The following ZFHX3 variants were observed in gnomAD, a reference collection of about 807,000 sequenced individuals.
The protein encoded by ZFHX3 is zinc finger homeobox protein 3.
ZFHX3 carries 42 observed loss-of-function variants against 279.1 expected under a neutral mutation model. The ratio of observed to expected loss-of-function variants is 0.15; its 90% CI spans 0.12 to 0.19. ZFHX3 has a LOEUF of 0.19. ZFHX3 is among the 10% of genes least tolerant of loss of function. The probability of loss-of-function intolerance (pLI) is 1.00; values close to 1 mark genes in which losing one functional copy is unlikely to be tolerated. For missense variants in ZFHX3, 4,981 were observed against 4,754.0 expected (o/e 1.05, Z -1.40); for synonymous variants, 2,293 against 1,957.8 (o/e 1.17, Z -4.52).
At chr16:73,736,646 C>T (rs1444421479) in intron 1 of ZFHX3, among the ~76,000 whole-genome samples, 5 of 152,216 alleles carry the variant, frequency 3.3e-5, no homozygotes, top group African/African-American at 9.6e-5. Context: ...GTGGAGAGTA[C>T]AGACCAAAGG....
At chr16:73,773,466 G>A (rs1473228132) in intron 1 of ZFHX3, among the ~76,000 whole-genome samples, 2 of 152,200 alleles carry the variant, frequency 1.3e-5, no homozygotes, top group Non-Finnish European at 2.9e-5. Flanking sequence ...TATGAGCCAG[G>A]CCCTGGTCCT....
intron 2 of ZFHX3, among the ~76,000 whole-genome samples, chr16:73,611,119 C>G (rs1223751111): frequency 6.6e-6 from 1 of 152,146 alleles, no homozygotes; most frequent in Non-Finnish European, 1.5e-5. Context: ...TTTTGAAAAG[C>G]AGGAGGAAGA....
At chr16:73,805,746 G>A (rs1469859893) in intron 1 of ZFHX3, among the ~76,000 whole-genome samples, 1 of 152,190 alleles carries the variant, frequency 6.6e-6, no homozygotes, top group Non-Finnish European at 1.5e-5. Flanking sequence ...CTAGTCAGGA[G>A]GCCACAAAAA....
At chr16:73,056,378 T>TAA (rs547963966) in intron 1 of ZFHX3, among the ~76,000 whole-genome samples, 1 of 147,764 alleles carries the variant, frequency 6.8e-6, no homozygotes, top group Non-Finnish European at 1.5e-5. Context: ...CTGCACTAGT[T>TAA]AAAAAAAAAA....
At chr16:73,000,207 G>C (rs1459743621) in intron 1 of ZFHX3, among the ~76,000 whole-genome samples, 1 of 152,156 alleles carries the variant, frequency 6.6e-6, no homozygotes, top group Non-Finnish European at 1.5e-5. Flanking sequence ...CCATCCCCCA[G>C]GGTCCCTCGA....
At chr16:73,510,496 G>A (rs542923998) in intron 2 of ZFHX3, among the ~76,000 whole-genome samples, 8 of 152,030 alleles carry the variant, frequency 5.3e-5, no homozygotes, top group South Asian at 2.1e-4. Context: ...TTTTTCATCC[G>A]AGGCTTCAAC....
intron 3 of ZFHX3, among the ~76,000 whole-genome samples, chr16:73,359,749 A>C (rs1265698266): frequency 6.6e-6 from 1 of 152,192 alleles, no homozygotes; most frequent in East Asian, 1.9e-4. Context: ...TGAAGCCCCG[A>C]GGCATGAGTG....
chr16:73,791,733 A>T (rs1342839851), intron 1 of ZFHX3, among the ~76,000 whole-genome samples: 3 of 152,224 alleles, frequency 2.0e-5, no homozygotes, highest in African/African-American at 7.2e-5. Flanking sequence ...TAGAATTTGC[A>T]TTTCTAACAA....
Position 72,889,764 on chromosome 16 carries a change from A to G in ZFHX3, c.3415T>C (p.Phe1139Leu), listed in dbSNP as rs2144073201. The change falls in exon 4 of 10, where the codon TTC becomes CTC. Residue 1139 changes from phenylalanine to leucine, a missense_variant. Physicochemically the swap from Phe to Leu is conservative, Grantham distance 22. This residue lies in a region of ZFHX3 where 1,751 missense variants were observed against 1,770.0 expected (regional missense o/e 0.99). Coordinates refer to ENST00000268489, the MANE Select transcript of ZFHX3 (RefSeq NM_006885.4). ...GTGGAGGGGCACCTGCGGATGGTGAAGATCTGCCCCAGGTCCTCGTCCTCC... is the reference window on the plus strand; with the variant it reads ...GTGGAGGGGCACCTGCGGATGGTGAGGATCTGCCCCAGGTCCTCGTCCTCC... ...PEEDEDLGQI[F>L]TIRRCPSTDP... The G allele has an allele frequency of 6.2e-7, 1 of 1,612,936 alleles. No homozygotes were observed. The highest frequency in any genetic ancestry group is 8.5e-7 in the Non-Finnish European group (1 of 1,180,028).
At chr16:73,863,560 T>C (rs1961936471) in intron 1 of ZFHX3, among the ~76,000 whole-genome samples, 1 of 152,122 alleles carries the variant, frequency 6.6e-6, no homozygotes, top group Admixed American at 6.5e-5. Context: ...ATAAAAGACA[T>C]ACGGTGATGG....
intron 3 of ZFHX3, among the ~76,000 whole-genome samples, chr16:73,345,902 C>G (rs1183858393): frequency 6.6e-6 from 1 of 152,104 alleles, no homozygotes; most frequent in East Asian, 1.9e-4. Flanking sequence ...GGGTCCCTGA[C>G]TCAGCTGTGG....
At chr16:73,278,926 G>T (rs925585648) in intron 4 of ZFHX3, among the ~76,000 whole-genome samples, 6 of 152,224 alleles carry the variant, frequency 3.9e-5, no homozygotes. Flanking sequence ...GACCCAGGAA[G>T]TCCAGCTGGC....
chr16:72,836,235 G>A (rs1192262206), intron 4 of ZFHX3, among the ~76,000 whole-genome samples: 1 of 152,172 alleles, frequency 6.6e-6, no homozygotes, highest in African/African-American at 2.4e-5. Flanking sequence ...CGAGCAAGTG[G>A]AGTCTCATCG....
rs2142155464 is a variant in ZFHX3 at position 73,640,245 on chromosome 16, A to T, written c.-1547+39935T>A. Among the ~76,000 whole-genome samples, 4 of 152,294 alleles carry T rather than the reference A, an allele frequency of 2.6e-5. No individual in the cohort carries two copies. In the South Asian group the frequency reaches 8.3e-4, roughly 32 times the overall value. On this transcript the variant is annotated intron_variant, in intron 2 of 17. Transcript: ENST00000641206. ...GGTTTCTCTAGGGAAACTCAACAGT[A>T]TCCAAAAAGAGAATTATCACTTGGT... is the stretch of plus-strand genomic sequence containing the variant.
rs760983605 is a variant in ZFHX3, at chr16:72,860,561, G to C, written c.3448+29170C>G. On this transcript the variant is annotated intron_variant, in intron 4 of 9. Transcript: ENST00000268489. ...TTCTCCTGCCTCAGCCTCCCGAGGA[G>C]CTGGGACTACAGGCATGCACCACCA... Among the ~76,000 whole-genome samples the C allele has an allele frequency of 5.9e-5, 9 of 152,188 alleles. No homozygotes were observed. The South Asian group carries it at 1.0e-3, about 17-fold the overall frequency.
At chr16:73,741,467 C>T (rs2053657032) in intron 1 of ZFHX3, among the ~76,000 whole-genome samples, 1 of 152,146 alleles carries the variant, frequency 6.6e-6, no homozygotes, top group Non-Finnish European at 1.5e-5. Context: ...TTTCCTCCCT[C>T]CCATGCTGCA....
intron 1 of ZFHX3, among the ~76,000 whole-genome samples, chr16:73,777,024 G>GT (rs1381780142): frequency 6.6e-6 from 1 of 152,182 alleles, no homozygotes; most frequent in African/African-American, 2.4e-5. Context: ...TCCCATGAAC[G>GT]TAGAGGAGGT....
chr16:73,048,146 T>G (rs1030217702), upstream of ZFHX3: 1 of 153,112 alleles, frequency 6.5e-6, no homozygotes, highest in Admixed American at 6.5e-5. Flanking sequence ...AACTCGCAGT[T>G]TGCAGCGCGC....
chr16:73,628,671 T>C (rs1173256309), intron 2 of ZFHX3, among the ~76,000 whole-genome samples: 1 of 152,236 alleles, frequency 6.6e-6, no homozygotes, highest in Non-Finnish European at 1.5e-5. Context: ...TTCTGAATCA[T>C]ATTGGTAAAC....
Sources: allele counts gnomAD v4.1 joint callset (sites outside exome capture counted in the v4.1 genomes callset), GRCh38; gene constraint gnomAD v4.1.1; regional missense constraint gnomAD v4.1.1; transcripts MANE v1.5; gene names NCBI Gene and HGNC (gene_info 2026-07-23, HGNC 2026-07-21).